Variants in TUT7 observed in about 807,000 individuals in gnomAD.
TUT7 encodes terminal uridylyl transferase 7, also known as terminal uridylyltransferase 7.
In TUT7, 33 loss-of-function variants were observed where a neutral mutation model predicts 165.9. The observed-to-expected ratio is 0.20, with a 90% CI of 0.15 to 0.27. TUT7 has a LOEUF of 0.27. TUT7 is among the 10% of genes least tolerant of loss of function. TUT7 has a pLI of 1.00. For synonymous variants in TUT7, 552 were observed against 608.1 expected, an observed-to-expected ratio of 0.91 and a Z score of 1.36; for missense variants, 1,338 against 1,762.3, an observed-to-expected ratio of 0.76 and a Z score of 4.31.
At position 86,301,536 on chromosome 9, in the gene TUT7, C is replaced by A; in HGVS notation, c.4160G>T (p.Arg1387Ile). 1 of 1,613,750 alleles carries A rather than the reference C, an allele frequency of 6.2e-7. No individual in the cohort carries two copies. The highest frequency in any genetic ancestry group is 8.5e-7 in the Non-Finnish European group (1 of 1,179,978). ...GTGAATTTCTTTGTCCTCTTTGCTT[C>A]TTTTTTCCTTGTTCTCAGGGTATCT... ...NQRYPENKEK[R>I]SKEDKEIHNK... Residue 1387 changes from arginine (R) to isoleucine (I), a missense_variant, in exon 26 of 27, where the codon AGA becomes ATA. Transcript: ENST00000375963.
intron 16 of TUT7, among the ~76,000 whole-genome samples, chr9:86,317,771 A>C (rs1473183488): frequency 6.6e-6 from 1 of 152,196 alleles, no homozygotes; most frequent in Admixed American, 6.5e-5. Context: ...CATATAACTA[A>C]AGTCATACAG....
chr9:86,326,075 A>T (rs1829763446), intron 11 of TUT7, among the ~76,000 whole-genome samples: 1 of 152,278 alleles, frequency 6.6e-6, no homozygotes, highest in African/African-American at 2.4e-5. Flanking sequence ...GACAAGTTGG[A>T]ACATAACTGC....
chr9:86,330,930 A>G (rs1424068403), intron 10 of TUT7, among the ~76,000 whole-genome samples: 1 of 149,840 alleles, frequency 6.7e-6, no homozygotes, highest in African/African-American at 2.5e-5. Flanking sequence ...ACTGGAGTGC[A>G]GTGGTGTGAT....
At chr9:86,336,415 T>C (rs559493903) in intron 10 of TUT7, among the ~76,000 whole-genome samples, 26 of 152,228 alleles carry the variant, frequency 1.7e-4, no homozygotes, top group Admixed American at 1.6e-3. Flanking sequence ...TACCTTTAGG[T>C]TACTAGGATA....
At chr9:86,292,468 C>CA (rs113108657) in intron 26 of TUT7, among the ~76,000 whole-genome samples, 3,983 of 103,210 alleles carry the variant, frequency 0.039, 125 homozygotes, top group African/African-American at 0.11. Flanking sequence ...GACTTTGTCT[C>CA]AAAAAAAAAA....
chr9:86,304,280 ATAT>A (rs773026440), intron 24 of TUT7, among the ~76,000 whole-genome samples: 9 of 152,188 alleles, frequency 5.9e-5, no homozygotes, highest in South Asian at 4.1e-4. Flanking sequence ...GAAGAACATA[ATAT>A]TATTCTTAGC....
intron 10 of TUT7, among the ~76,000 whole-genome samples, chr9:86,329,023 T>A (rs1830065494): frequency 6.6e-6 from 1 of 152,188 alleles, no homozygotes; most frequent in African/African-American, 2.4e-5. Flanking sequence ...AAATGAAAAT[T>A]ACAAGAACTA....
chr9:86,300,263 G>A (rs566097234), intron 26 of TUT7, among the ~76,000 whole-genome samples: 1 of 151,884 alleles, frequency 6.6e-6, no homozygotes, highest in Non-Finnish European at 1.5e-5. Context: ...AAAATCTCCT[G>A]TCTTAAAAAA....
At chr9:86,338,753 TA>T in intron 9 of TUT7, 69 bp downstream of exon 9, 1 of 1,396,530 alleles carries the variant, frequency 7.2e-7, no homozygotes, top group Non-Finnish European at 9.4e-7. Flanking sequence ...AAGATTAAAT[TA>T]AGTAAAAATC....
chr9:86,317,144 G>A (rs1239830697), intron 17 of TUT7, 75 bp downstream of exon 17: 1 of 1,333,120 alleles, frequency 7.5e-7, no homozygotes, highest in East Asian at 2.3e-5. Flanking sequence ...AATACCCCAT[G>A]GATACCAAGG....
At chr9:86,293,648 A>G (rs1826060992) in intron 26 of TUT7, among the ~76,000 whole-genome samples, 1 of 152,222 alleles carries the variant, frequency 6.6e-6, no homozygotes, top group African/African-American at 2.4e-5. Flanking sequence ...CACTGTCAAA[A>G]TGTGCATACT....
intron 11 of TUT7, among the ~76,000 whole-genome samples, 195 bp downstream of exon 11, chr9:86,328,145 A>G (rs1207669928): frequency 6.6e-6 from 1 of 152,220 alleles, no homozygotes; most frequent in East Asian, 1.9e-4. Context: ...AACTACATAA[A>G]TAACTGTGGA....
At chr9:86,337,588 C>A in intron 9 of TUT7, 50 bp from the exon 10 acceptor site, 1 of 1,567,514 alleles carries the variant, frequency 6.4e-7, no homozygotes, top group South Asian at 1.2e-5. Flanking sequence ...ATGAATTTGT[C>A]ATTTACACGA....
chr9:86,319,129 T>C, intron 15 of TUT7, 71 bp from the exon 16 acceptor site: 1 of 1,069,130 alleles, frequency 9.4e-7, no homozygotes, highest in Non-Finnish European at 1.4e-6. Context: ...AATGGCCCTC[T>C]CATGAATCAA....
intron 18 of TUT7, 53 bp from the exon 19 acceptor site, chr9:86,310,070 C>CTTT (rs5898925): frequency 5.0e-4 from 553 of 1,114,834 alleles, no homozygotes; most frequent in East Asian, 5.7e-4. Flanking sequence ...TAAAGGGTCT[C>CTTT]TTTTTTTTTT....
chr9:86,335,752 C>T (rs1408304295), intron 10 of TUT7, among the ~76,000 whole-genome samples: 8 of 152,180 alleles, frequency 5.3e-5, no homozygotes, highest in Non-Finnish European at 1.2e-4. Flanking sequence ...GTTCCATTCT[C>T]TTCACTTCCT....
intron 18 of TUT7, 51 bp from the exon 19 acceptor site, chr9:86,310,068 C>CTT: frequency 1.5e-6 from 2 of 1,336,214 alleles, no homozygotes. Flanking sequence ...TGTAAAGGGT[C>CTT]TCTTTTTTTT....
rs1330333745 is a variant in TUT7, at chr9:86,352,794, T to C, written c.406A>G (p.Asn136Asp). 22 of 1,614,182 alleles carry C rather than the reference T, an allele frequency of 1.4e-5. No individual in the cohort carries two copies. Among genetic ancestry groups the C allele is most frequent in the Non-Finnish European group, 1.8e-5 (21 of 1,180,032 alleles). ...TCTTGCCACCTATAACCATCTTCAT[T>C]TTCTTGAAAGGAGTCTTTTCTTTGT... Reference protein sequence around the residue: ...NRQRKDSFQENEDGYRWQDTR... With the variant: ...NRQRKDSFQEDEDGYRWQDTR... The change falls in exon 2 of 27, where the codon AAT (asparagine) becomes GAT (aspartate). Residue 136 changes from asparagine (N) to aspartate (D), a missense_variant. Transcript: ENST00000375963.
rs1454674483 is a variant in TUT7 at position 86,346,343 on chromosome 9, C to A, written c.658G>T (p.Ala220Ser). The A allele has an allele frequency of 6.2e-7, 1 of 1,613,962 alleles. No homozygotes were observed. The highest frequency in any genetic ancestry group is 8.5e-7 in the Non-Finnish European group (1 of 1,179,980). ...STKELLGLQQ[A>S]EERLKRDCID... ...CAGTCTCTCTTCAGTCTCTCCTCAG[C>A]CTGCTGTAAGCCTAGCAGCTCCTTC... Residue 220 changes from alanine to serine, a missense_variant, in exon 3 of 27, where the codon GCT (alanine) becomes TCT (serine). This residue lies in a region of TUT7 where 434 missense variants were observed against 480.8 expected (regional missense o/e 0.90). Transcript: ENST00000375963.
Sources: gnomAD v4.1 joint callset for allele counts (sites outside exome capture counted in the v4.1 genomes callset) on GRCh38, gnomAD v4.1.1 for gene constraint, gnomAD v4.1.1 regional missense constraint, MANE v1.5 for transcripts, NCBI Gene and HGNC (gene_info 2026-07-23, HGNC 2026-07-21) for gene names.